Variants in INTS6L observed in about 807,000 individuals in gnomAD.
INTS6L encodes the protein integrator complex subunit 6 like, also known as integrator complex subunit 6-like.
In INTS6L, 18 loss-of-function variants were observed where a neutral mutation model predicts 64.7. The ratio of observed to expected loss-of-function variants is 0.28; its 90% CI spans 0.19 to 0.41. The LOEUF is 0.41. INTS6L is among the 10% of genes least tolerant of loss of function. The probability of loss-of-function intolerance (pLI) is 1.00; values close to 1 mark genes in which losing one functional copy is unlikely to be tolerated. For missense variants in INTS6L, 533 were observed against 661.0 expected (o/e 0.81, Z 2.12); for synonymous variants, 227 against 235.9 (o/e 0.96, Z 0.34).
chrX:135,553,699 T>C (rs1331431555), intron 8 of INTS6L, among the ~76,000 whole-genome samples: 2 of 110,679 alleles, frequency 1.8e-5, no homozygotes, highest in African/African-American at 3.3e-5. Context: ...TCTATACTTA[T>C]AGTTTACCCC....
rs781995423 is a variant in INTS6L at position 135,581,138 on chromosome X, C to T, written c.2583C>T (p.Ala861=). 15 of 1,187,094 alleles carry T rather than the reference C, an allele frequency of 1.3e-5. No homozygotes were observed. Among genetic ancestry groups the T allele is most frequent in the South Asian group, 1.9e-5 (1 of 52,003 alleles). The stretch of plus-strand genomic sequence containing the variant: ...TTGTTGAATTTACCATCAAGGAAGC[C>T]GCAAGGTAGGTATAAACAGGAACTC... ...KQFVEFTIKE[A]ARFKRRVLIQ... The change falls in exon 17 of 18, where the codon GCC becomes GCT. Residue 861 remains alanine, a synonymous_variant. Coordinates refer to ENST00000639893, the MANE Select transcript of INTS6L (RefSeq NM_001351601.3).
At chrX:135,544,353 A>G (rs145662456) in intron 2 of INTS6L, among the ~76,000 whole-genome samples, 1 of 112,104 alleles carries the variant, frequency 8.9e-6, no homozygotes, top group Non-Finnish European at 1.9e-5. Context: ...TGAAACCAGA[A>G]AAGAGTGTTT....
intron 9 of INTS6L, among the ~76,000 whole-genome samples, chrX:135,557,545 T>G (rs782264824): frequency 9.0e-6 from 1 of 111,427 alleles, no homozygotes; most frequent in Non-Finnish European, 1.9e-5. Flanking sequence ...AGTTTCCTCC[T>G]GCCCTGGTAA....
chrX:135,532,932 C>T (rs1556506216), intron 2 of INTS6L, among the ~76,000 whole-genome samples: 1 of 110,560 alleles, frequency 9.0e-6, no homozygotes, highest in Admixed American at 9.6e-5. Context: ...AAAAAATTAG[C>T]CTGGCATAGT....
intron 9 of INTS6L, among the ~76,000 whole-genome samples, chrX:135,561,623 T>G (rs1179282173): frequency 8.9e-6 from 1 of 112,606 alleles, no homozygotes; most frequent in African/African-American, 3.2e-5. Flanking sequence ...TCTGTAAACA[T>G]TTGATAGAAT....
intron 2 of INTS6L, among the ~76,000 whole-genome samples, chrX:135,524,280 A>C (rs1556499796): frequency 1.8e-5 from 2 of 111,003 alleles, no homozygotes. Context: ...GGGAGCCATA[A>C]ATGTCTGTTT....
chrX:135,546,732 G>A lies in INTS6L; in HGVS notation c.460G>A (p.Gly154Arg). The change falls in exon 5 of 18, where the codon GGA becomes AGA. Residue 154 changes from glycine to arginine, a missense_variant. Coordinates refer to ENST00000639893, the MANE Select transcript of INTS6L (RefSeq NM_001351601.3). ...TCTTCCTTTGAATTCCCCTCTGCCTGGAAGTGAACTAACCAAAGAACCTTT... is the reference window on the plus strand; with the variant it reads ...TCTTCCTTTGAATTCCCCTCTGCCTAGAAGTGAACTAACCAAAGAACCTTT... ...LHLPLNSPLP[G>R]SELTKEPFRW... 8.3e-7 allele frequency: 1 copy of A among 1,209,345 alleles called. No individual in the cohort carries two copies. The highest frequency in any genetic ancestry group is 3.0e-5 in the East Asian group (1 of 33,777).
intron 2 of INTS6L, among the ~76,000 whole-genome samples, chrX:135,535,375 A>G (rs782549326): frequency 8.9e-5 from 10 of 112,514 alleles, no homozygotes; most frequent in African/African-American, 2.9e-4. Flanking sequence ...TGTCTTTGTT[A>G]TCAGAATTGG....
In INTS6L at chrX:135,572,801, T is replaced by A. The variant is rs782471664; in HGVS notation, c.1399-14T>A. 8.4e-7 allele frequency: 1 copy of A among 1,189,023 alleles called. No individual in the cohort carries two copies. Among genetic ancestry groups the A allele is most frequent in the Admixed American group, 2.2e-5 (1 of 45,118 alleles). ...GTAGATGTTTTTATAACATACTATG[T>A]ACTTTCATTTTAGACCAAACTAGAG... is the stretch of plus-strand genomic sequence containing the variant. On this transcript the variant is annotated splice_polypyrimidine_tract_variant and intron_variant, in intron 11 of 17. Transcript: ENST00000639893.
intron 8 of INTS6L, among the ~76,000 whole-genome samples, chrX:135,554,719 CAG>C (rs2086595739): frequency 9.1e-6 from 1 of 109,779 alleles, no homozygotes; most frequent in Non-Finnish European, 1.9e-5. Context: ...GAACATGGAA[CAG>C]AGAAAACATG....
At position 135,545,504 on chromosome X, in the gene INTS6L, G is replaced by T. The variant is rs782782097; in HGVS notation, c.271G>T (p.Ala91Ser). The T allele has an allele frequency of 1.7e-6, 2 of 1,208,353 alleles. No individual in the cohort carries two copies. Among genetic ancestry groups the T allele is most frequent in the Non-Finnish European group, 2.2e-6 (2 of 894,433 alleles). Residue 91 changes from alanine to serine, a missense_variant, in exon 3 of 18, where the codon GCT (alanine) becomes TCT (serine). Transcript: ENST00000639893. ...QASGLTTLGQ[A>S]LRSSFDLLNL... is the part of the protein sequence containing the mutation. The stretch of plus-strand genomic sequence containing the variant: ...TTCTGGACTGACTACTCTCGGTCAG[G>T]CTCTAAGATCCTCATTTGATTTGTT...
intron 9 of INTS6L, among the ~76,000 whole-genome samples, chrX:135,564,605 G>A (rs961232435): frequency 5.5e-5 from 6 of 108,985 alleles, no homozygotes; most frequent in African/African-American, 1.0e-4. Context: ...GGTGGTGCAC[G>A]CCTGTAATTC....
chrX:135,534,748 T>C (rs1052090873), intron 2 of INTS6L, among the ~76,000 whole-genome samples: 2 of 106,686 alleles, frequency 1.9e-5, no homozygotes, highest in Non-Finnish European at 3.9e-5. Context: ...AGTGGCGTTA[T>C]CGTAGCTCAC....
intron 2 of INTS6L, among the ~76,000 whole-genome samples, chrX:135,530,968 C>T (rs1439005489): frequency 8.9e-6 from 1 of 112,020 alleles, no homozygotes; most frequent in Non-Finnish European, 1.9e-5. Flanking sequence ...CTTTTATTAT[C>T]TATATCCTGC....
At position 135,575,175 on chromosome X, in the gene INTS6L, C is replaced by A; in HGVS notation, c.1833C>A (p.Asp611Glu). 1 of 1,211,584 alleles carries A rather than the reference C, an allele frequency of 8.3e-7. No homozygotes were observed. ...CTCCACTGCGAGAGATTGATCCAGA[C>A]CAACCCAAAAGACTGCATACTTTTG... ...LASPLREIDP[D>E]QPKRLHTFGN... The change falls in exon 14 of 18, where the codon GAC becomes GAA. Residue 611 changes from aspartate (D) to glutamate (E), a missense_variant. Asp to Glu is a conservative substitution (Grantham distance 45). Coordinates refer to ENST00000639893, the MANE Select transcript of INTS6L (RefSeq NM_001351601.3).
At chrX:135,533,960 C>A (rs1556506965) in intron 2 of INTS6L, among the ~76,000 whole-genome samples, 1 of 110,820 alleles carries the variant, frequency 9.0e-6, no homozygotes, top group Non-Finnish European at 1.9e-5. Context: ...TTAGTAAGTT[C>A]TAAGATGTTT....
chrX:135,533,166 T>A (rs1362493750), intron 2 of INTS6L, among the ~76,000 whole-genome samples: 2 of 112,273 alleles, frequency 1.8e-5, no homozygotes, highest in Non-Finnish European at 3.8e-5. Context: ...TATCACACAC[T>A]TAGTGGTTAC....
At chrX:135,572,769 T>C in intron 11 of INTS6L, 46 bp from the exon 12 acceptor site, 1 of 1,061,398 alleles carries the variant, frequency 9.4e-7, no homozygotes, top group Non-Finnish European at 1.3e-6. Flanking sequence ...AAAATGACAG[T>C]GGTAATGTAG....
At chrX:135,543,711 AAAG>A (rs1377576330) in intron 2 of INTS6L, among the ~76,000 whole-genome samples, 1 of 112,421 alleles carries the variant, frequency 8.9e-6, no homozygotes, top group Non-Finnish European at 1.9e-5. Flanking sequence ...CTTCTACCCC[AAAG>A]AAGAAATCTA....
Sources: allele counts gnomAD v4.1 joint callset (sites outside exome capture counted in the v4.1 genomes callset), GRCh38; gene constraint gnomAD v4.1.1; transcripts MANE v1.5; gene names NCBI Gene and HGNC (gene_info 2026-07-23, HGNC 2026-07-21).